The following ASXL2 variants were observed in gnomAD, a reference collection of about 807,000 sequenced individuals.
ASXL2 encodes the protein ASXL transcriptional regulator 2.
In ASXL2, 23 loss-of-function variants were observed where a neutral mutation model predicts 122.0. The observed-to-expected ratio is 0.19, with a 90% CI of 0.14 to 0.27. ASXL2 has a LOEUF of 0.27. Ranked by LOEUF, ASXL2 falls within the 10% of genes least tolerant of loss-of-function variation. The pLI, the probability that ASXL2 is intolerant of heterozygous loss-of-function variation, is 1.00. For missense variants in ASXL2, 1,518 were observed against 1,713.8 expected (o/e 0.89, Z 2.02); for synonymous variants, 650 against 637.0 (o/e 1.02, Z -0.31).
intron 1 of ASXL2, among the ~76,000 whole-genome samples, chr2:25,858,192 T>C (rs190771140): frequency 6.6e-6 from 1 of 152,252 alleles, no homozygotes; most frequent in East Asian, 1.9e-4. Flanking sequence ...AACTGCTCCC[T>C]CCATTAGCTT....
chr2:25,738,244 T>C lies in ASXL2; in HGVS notation c.*3785A>G, dbSNP rs966627992. On this transcript the variant is annotated 3_prime_UTR_variant, in exon 13 of 13. Transcript: ENST00000435504. ...TTAAAATTGATCTTCAATAGTTGTA[T>C]CAAATGTAAAGCATTAAAAAAAATA... 2 of 152,172 alleles carry C rather than the reference T, an allele frequency of 1.3e-5. No individual in the cohort carries two copies. The highest frequency in any genetic ancestry group is 2.4e-5 in the African/African-American group (1 of 41,442). 9.4% of individuals were successfully genotyped at this position (152,172 alleles called of 1,614,324 possible).
In ASXL2 at chr2:25,807,986, T is replaced by TACACACACACACACACACACACAC. The variant is rs147273836; in HGVS notation, c.144-1673_144-1650dup. ...TAATTGGTTTAAATTAATCAGCTTTTACACACACACACACACACACACACA... is the reference window on the plus strand; with the variant it reads ...TAATTGGTTTAAATTAATCAGCTTTTACACACACACACACACACACACACACACACACACACACACACACACACA... On this transcript the variant is annotated intron_variant, in intron 3 of 12. Transcript: ENST00000435504. 3.5e-3 allele frequency among the ~76,000 whole-genome samples: 455 copies of TACACACACACACACACACACACAC among 131,778 alleles called. 4 individuals are homozygous for TACACACACACACACACACACACAC. Among genetic ancestry groups the TACACACACACACACACACACACAC allele is most frequent in the African/African-American group, 9.8e-3 (342 of 34,784 alleles). The allele number at this position is 131,778 out of a possible 152,430, so 86.5% of individuals were successfully genotyped here. A position where few individuals can be genotyped will look rare whatever the true frequency, so the allele number is the denominator to read the frequency against.
At chr2:25,862,630 C>T (rs2089853052) in intron 1 of ASXL2, among the ~76,000 whole-genome samples, 1 of 152,098 alleles carries the variant, frequency 6.6e-6, no homozygotes, top group African/African-American at 2.4e-5. Flanking sequence ...GACAGAATCC[C>T]GCTCTGTCGG....
intron 1 of ASXL2, among the ~76,000 whole-genome samples, chr2:25,846,073 C>G (rs571922651): frequency 1.3e-5 from 2 of 152,188 alleles, no homozygotes; most frequent in African/African-American, 4.8e-5. Context: ...TTGTTTCCCT[C>G]TGGTAGCTCC....
rs190012053 is a variant in ASXL2 at position 25,738,731 on chromosome 2, C to A, written c.*3298G>T. On this transcript the variant is annotated 3_prime_UTR_variant, in exon 13 of 13. Transcript: ENST00000435504. ...GGTCATTAATATGTATGACTTTGCA[C>A]CTTCACCTGGAAGGCAATGAGGTCT... 1 of 152,122 alleles carries A rather than the reference C, an allele frequency of 6.6e-6. No individual in the cohort carries two copies. Among genetic ancestry groups the A allele is most frequent in the East Asian group, 1.9e-4 (1 of 5,200 alleles). 9.4% of individuals were successfully genotyped at this position (152,122 alleles called of 1,614,324 possible).
At chr2:25,867,828 C>T (rs903167500) in intron 1 of ASXL2, among the ~76,000 whole-genome samples, 36 of 152,210 alleles carry the variant, frequency 2.4e-4, no homozygotes, top group African/African-American at 7.7e-4. Flanking sequence ...TTCCCTCTGC[C>T]TGGAATGCCC....
intron 8 of ASXL2, among the ~76,000 whole-genome samples, chr2:25,763,699 G>A (rs900021333): frequency 5.3e-5 from 8 of 152,178 alleles, no homozygotes; most frequent in Non-Finnish European, 1.0e-4. Flanking sequence ...ACTGTTCTAA[G>A]CATTTACATA....
intron 5 of ASXL2, among the ~76,000 whole-genome samples, chr2:25,786,378 C>CT (rs2088746769): frequency 6.6e-6 from 1 of 151,580 alleles, no homozygotes; most frequent in Non-Finnish European, 1.5e-5. Flanking sequence ...GTAGCTGGGA[C>CT]TACAGGCGCA....
chr2:25,800,169 C>T (rs927192429), intron 4 of ASXL2, among the ~76,000 whole-genome samples: 1 of 152,004 alleles, frequency 6.6e-6, no homozygotes, highest in African/African-American at 2.4e-5. Context: ...TAGTGGTGTG[C>T]ACCTGTGGTC....
chr2:25,816,340 A>G (rs1054308952), intron 3 of ASXL2, among the ~76,000 whole-genome samples: 2 of 152,250 alleles, frequency 1.3e-5, no homozygotes, highest in Admixed American at 6.5e-5. Flanking sequence ...GGCAGCTTGA[A>G]TTAGTGTTTC....
chr2:25,740,203 A>G lies in ASXL2; in HGVS notation c.*1826T>C, dbSNP rs1427829285. The G allele has an allele frequency of 4.5e-6, 1 of 221,802 alleles. No individual in the cohort carries two copies. Among genetic ancestry groups the G allele is most frequent in the East Asian group, 6.6e-5 (1 of 15,206 alleles). The allele number at this position is 221,802 out of a possible 1,614,324, so 13.7% of individuals were successfully genotyped here. Reference sequence around the variant, plus strand: ...AAAAAGCCAGAAGTGAAAAGTGAAAAACAGTGAAGTGAGTTTCTTACGGAG... The same window carrying G: ...AAAAAGCCAGAAGTGAAAAGTGAAAGACAGTGAAGTGAGTTTCTTACGGAG... On this transcript the variant is annotated 3_prime_UTR_variant, in exon 13 of 13. Transcript: ENST00000435504.
chr2:25,796,632 C>T (rs546373265), intron 5 of ASXL2, among the ~76,000 whole-genome samples: 3 of 152,250 alleles, frequency 2.0e-5, no homozygotes, highest in East Asian at 3.9e-4. Flanking sequence ...AGAGCAAAGA[C>T]CAGCAGACTA....
intron 3 of ASXL2, chr2:25,810,794 A>G (rs1427807587): frequency 1.9e-6 from 1 of 514,846 alleles, no homozygotes; most frequent in Non-Finnish European, 3.6e-6. Flanking sequence ...AGTCACAAGA[A>G]GCTGAAAAAG....
intron 3 of ASXL2, among the ~76,000 whole-genome samples, chr2:25,834,505 A>C (rs1574439913): frequency 6.6e-6 from 1 of 152,240 alleles, no homozygotes; most frequent in East Asian, 1.9e-4. Context: ...TCTTGCTTAC[A>C]ATAAACAGGT....
intron 11 of ASXL2, among the ~76,000 whole-genome samples, chr2:25,752,387 A>G (rs907974118): frequency 6.6e-6 from 1 of 152,202 alleles, no homozygotes; most frequent in African/African-American, 2.4e-5. Context: ...AACAGAATTT[A>G]TATCTTGATT....
At chr2:25,772,904 T>A (rs1301836537) in intron 5 of ASXL2, among the ~76,000 whole-genome samples, 2 of 151,950 alleles carry the variant, frequency 1.3e-5, no homozygotes, top group African/African-American at 4.8e-5. Context: ...GAAGATAGCA[T>A]CAAACAATTA....
rs370044066 is a variant in ASXL2 at position 25,750,216 on chromosome 2, C to T, written c.1340G>A (p.Cys447Tyr). The T allele has an allele frequency of 1.5e-5, 25 of 1,613,898 alleles. No homozygotes were observed. Among genetic ancestry groups the T allele is most frequent in the Middle Eastern group, 1.6e-4 (1 of 6,084 alleles). The stretch of plus-strand genomic sequence containing the variant: ...CGGCTGCACTTCACCTTGGCTTTCA[C>T]ACTCTTCTTTTCTGCCTGGTGATGA... ...QMSSPGRKEE[C>Y]ESQGEVQPNF... is the part of the protein sequence containing the mutation. The change falls in exon 12 of 13, where the codon TGT becomes TAT. Residue 447 changes from cysteine (C) to tyrosine (Y), a missense_variant. Physicochemically the swap from Cys to Tyr is radical, Grantham distance 194. This residue lies in a region of ASXL2 where 292 missense variants were observed against 293.5 expected (regional missense o/e 1.00). Transcript: ENST00000435504.
intron 5 of ASXL2, among the ~76,000 whole-genome samples, chr2:25,798,145 G>C (rs1336157316): frequency 6.6e-6 from 1 of 152,158 alleles, no homozygotes. Flanking sequence ...ACACAGAGGG[G>C]AACAACACAC....
chr2:25,771,690 C>T, intron 5 of ASXL2, 150 bp from the exon 6 acceptor site: 1 of 634,662 alleles, frequency 1.6e-6, no homozygotes, highest in Non-Finnish European at 2.7e-6. Context: ...CTGCAAACAG[C>T]CTCCCTTTTC....
Sources: gnomAD v4.1 joint callset for allele counts (sites outside exome capture counted in the v4.1 genomes callset) on GRCh38, gnomAD v4.1.1 for gene constraint, gnomAD v4.1.1 regional missense constraint, MANE v1.5 for transcripts, NCBI Gene and HGNC (gene_info 2026-07-23, HGNC 2026-07-21) for gene names.